Variants in CACNA2D3 observed in about 807,000 individuals in gnomAD.
CACNA2D3 encodes voltage-dependent calcium channel subunit alpha-2/delta-3.
In CACNA2D3, 60 loss-of-function variants were observed where a neutral mutation model predicts 160.6. The ratio of observed to expected loss-of-function variants is 0.37; its 90% CI spans 0.30 to 0.46. The LOEUF is 0.46. CACNA2D3 is among the 20% of genes least tolerant of loss of function. The pLI, the probability that CACNA2D3 is intolerant of heterozygous loss-of-function variation, is 1.00. For synonymous variants in CACNA2D3, 558 were observed against 492.9 expected (o/e 1.13, Z -1.75); for missense variants, 1,205 against 1,365.0 (o/e 0.88, Z 1.85).
chr3:54,624,573 G>T (rs1294919227), intron 9 of CACNA2D3, among the ~76,000 whole-genome samples: 1 of 152,172 alleles, frequency 6.6e-6, no homozygotes, highest in Non-Finnish European at 1.5e-5. Flanking sequence ...GGTGAGCCGA[G>T]ATCGCACCCA....
chr3:55,013,130 G>T (rs1703247083), intron 34 of CACNA2D3, among the ~76,000 whole-genome samples: 1 of 152,184 alleles, frequency 6.6e-6, no homozygotes, highest in Non-Finnish European at 1.5e-5. Context: ...GATGCATGGT[G>T]TGCTGATACA....
intron 15 of CACNA2D3, among the ~76,000 whole-genome samples, chr3:54,837,460 C>G (rs1315028659): frequency 6.6e-6 from 1 of 152,034 alleles, no homozygotes; most frequent in African/African-American, 2.4e-5. Context: ...TATTAGAGGA[C>G]CAGAGGAGGA....
At position 54,448,245 on chromosome 3, in the gene CACNA2D3, T is replaced by TC. The variant is rs147229612; in HGVS notation, c.382-55246dup. On this transcript the variant is annotated intron_variant, in intron 4 of 37. Transcript: ENST00000474759. Reference sequence around the variant, plus strand: ...AACATAAAGGTCTCCAAACTGAGGCTCATTGCCTCTGAATGGCCTGAAAAA... The same window carrying TC: ...AACATAAAGGTCTCCAAACTGAGGCTCCATTGCCTCTGAATGGCCTGAAAAA... 2.3e-3 allele frequency among the ~76,000 whole-genome samples: 355 copies of TC among 152,296 alleles called. 3 individuals are homozygous for TC. The highest frequency in any genetic ancestry group is 8.3e-3 in the African/African-American group (346 of 41,566).
At chr3:54,736,985 C>G (rs1205482364) in intron 11 of CACNA2D3, among the ~76,000 whole-genome samples, 2 of 152,152 alleles carry the variant, frequency 1.3e-5, no homozygotes, top group African/African-American at 2.4e-5. Context: ...GGTTTTAGTA[C>G]TTTAGTGCTC....
In CACNA2D3 at chr3:54,864,926, A is replaced by G. The variant is rs1197992820; in HGVS notation, c.1627-6613A>G. Among the ~76,000 whole-genome samples the G allele has an allele frequency of 2.0e-5, 3 of 152,188 alleles. No homozygotes were observed. In the East Asian group the frequency reaches 5.8e-4, roughly 29 times the overall value. ...TGGGTGCTGCGTTTTCCCATCTCTGAAGCAGTTATCCCTCACCTGGAGTTG... is the reference window on the plus strand; with the variant it reads ...TGGGTGCTGCGTTTTCCCATCTCTGGAGCAGTTATCCCTCACCTGGAGTTG... On this transcript the variant is annotated intron_variant, in intron 17 of 37. Coordinates refer to ENST00000474759, the MANE Select transcript of CACNA2D3 (RefSeq NM_018398.3).
At chr3:54,137,902 A>G (rs1280693432) in intron 2 of CACNA2D3, among the ~76,000 whole-genome samples, 1 of 152,226 alleles carries the variant, frequency 6.6e-6, no homozygotes, top group Admixed American at 6.5e-5. Context: ...GGTAAATTAT[A>G]AGTTAGTTCA....
intron 2 of CACNA2D3, among the ~76,000 whole-genome samples, chr3:54,226,500 G>T (rs1475711387): frequency 6.6e-6 from 1 of 151,886 alleles, no homozygotes; most frequent in African/African-American, 2.4e-5. Context: ...CAAGGGTCTT[G>T]ATATGTTGCC....
chr3:54,124,042 C>G (rs908667431), intron 2 of CACNA2D3, among the ~76,000 whole-genome samples: 1 of 152,176 alleles, frequency 6.6e-6, no homozygotes, highest in Admixed American at 6.5e-5. Flanking sequence ...TTTGTCATCC[C>G]TGCAGTTGTA....
chr3:54,588,435 T>A (rs1421759703), intron 9 of CACNA2D3, among the ~76,000 whole-genome samples: 1 of 152,182 alleles, frequency 6.6e-6, no homozygotes, highest in Non-Finnish European at 1.5e-5. Flanking sequence ...CACTGACATT[T>A]GACAAAGTGT....
At chr3:54,441,214 G>T (rs2106794654) in intron 4 of CACNA2D3, among the ~76,000 whole-genome samples, 1 of 152,294 alleles carries the variant, frequency 6.6e-6, no homozygotes, top group Admixed American at 6.5e-5. Context: ...TTGTGGTTTT[G>T]ATTTGCATTT....
chr3:54,485,231 C>T (rs1366362613), intron 4 of CACNA2D3, among the ~76,000 whole-genome samples: 4 of 152,212 alleles, frequency 2.6e-5, no homozygotes, highest in East Asian at 1.9e-4. Flanking sequence ...CAGGGGTTAT[C>T]ATCATGCTTG....
chr3:54,566,222 C>T (rs1292818799), intron 6 of CACNA2D3, among the ~76,000 whole-genome samples: 1 of 152,232 alleles, frequency 6.6e-6, no homozygotes, highest in East Asian at 1.9e-4. Context: ...GATCCCTCTC[C>T]TCCAAGTCTT....
chr3:54,442,729 C>T (rs1225403632), intron 4 of CACNA2D3, among the ~76,000 whole-genome samples: 1 of 152,174 alleles, frequency 6.6e-6, no homozygotes, highest in East Asian at 1.9e-4. Flanking sequence ...AGCCTTTACT[C>T]ATCCATTAAT....
intron 11 of CACNA2D3, among the ~76,000 whole-genome samples, chr3:54,728,871 C>G (rs960079541): frequency 3.9e-5 from 6 of 152,192 alleles, no homozygotes; most frequent in African/African-American, 7.2e-5. Context: ...TTATGATGGT[C>G]AGGTTCTCTG....
At chr3:54,807,438 A>G (rs962532305) in intron 13 of CACNA2D3, among the ~76,000 whole-genome samples, 2 of 152,270 alleles carry the variant, frequency 1.3e-5, no homozygotes, top group African/African-American at 4.8e-5. Context: ...TATGCAGCCA[A>G]AAAACACATG....
intron 2 of CACNA2D3, among the ~76,000 whole-genome samples, chr3:54,169,666 C>T (rs1223962952): frequency 5.4e-5 from 8 of 149,462 alleles, no homozygotes; most frequent in South Asian, 4.3e-4. Flanking sequence ...TGTGTGCGTG[C>T]GTGCTTGTAT....
chr3:54,264,126 C>A (rs1314588650), intron 2 of CACNA2D3, among the ~76,000 whole-genome samples: 1 of 152,068 alleles, frequency 6.6e-6, no homozygotes, highest in East Asian at 1.9e-4. Context: ...TTCATCCAGC[C>A]CAATCATAAT....
intron 3 of CACNA2D3, among the ~76,000 whole-genome samples, chr3:54,356,246 G>C (rs1168792507): frequency 6.6e-6 from 1 of 152,176 alleles, no homozygotes; most frequent in African/African-American, 2.4e-5. Context: ...TGAGCTTATG[G>C]GGTGGTGTTT....
At chr3:54,277,695 A>G (rs556623482) in intron 2 of CACNA2D3, among the ~76,000 whole-genome samples, 1 of 152,270 alleles carries the variant, frequency 6.6e-6, no homozygotes, top group South Asian at 2.1e-4. Context: ...TGGGGATAGC[A>G]TTGAATCTAT....
Sources: gnomAD v4.1 joint callset for allele counts (sites outside exome capture counted in the v4.1 genomes callset) on GRCh38, gnomAD v4.1.1 for gene constraint, MANE v1.5 for transcripts, NCBI Gene and HGNC (gene_info 2026-07-23, HGNC 2026-07-21) for gene names.